Variants in THSD7B observed in about 807,000 individuals in gnomAD.
The protein encoded by THSD7B is thrombospondin type 1 domain containing 7B.
THSD7B carries 138 observed loss-of-function variants against 213.6 expected under a neutral mutation model. That is an observed-to-expected ratio of 0.65 (90% confidence interval 0.56 to 0.74). The LOEUF (loss-of-function observed/expected upper bound fraction) is 0.74, where lower values mean the gene tolerates loss of function less well. Ranked by LOEUF, THSD7B falls within the 30% of genes least tolerant of loss-of-function variation. The pLI is 0.00. For missense variants in THSD7B, 1,931 were observed against 1,991.5 expected, an observed-to-expected ratio of 0.97 and a Z score of 0.58; for synonymous variants, 742 against 687.0, an observed-to-expected ratio of 1.08 and a Z score of -1.25.
At chr2:137,212,252 T>C (rs1681127998) in intron 7 of THSD7B, among the ~76,000 whole-genome samples, 1 of 152,110 alleles carries the variant, frequency 6.6e-6, no homozygotes, top group South Asian at 2.1e-4. Context: ...CATAGTTTCA[T>C]AGGTGGTTTC....
chr2:136,804,823 CAG>C (rs1199691278), intron 1 of THSD7B, among the ~76,000 whole-genome samples: 1 of 152,102 alleles, frequency 6.6e-6, no homozygotes, highest in Non-Finnish European at 1.5e-5. Context: ...ATGCTGCTGC[CAG>C]AGAGTGATAA....
At chr2:137,223,895 C>G (rs1055277611) in intron 7 of THSD7B, among the ~76,000 whole-genome samples, 2 of 151,986 alleles carry the variant, frequency 1.3e-5, no homozygotes, top group African/African-American at 4.8e-5. Context: ...TGTGCAGTAT[C>G]CTCCCACCCC....
At chr2:137,548,611 C>T (rs1304241525) in intron 15 of THSD7B, among the ~76,000 whole-genome samples, 2 of 151,974 alleles carry the variant, frequency 1.3e-5, no homozygotes, top group African/African-American at 4.8e-5. Flanking sequence ...TTTTCATACC[C>T]CAGCTAGCTG....
chr2:137,660,995 G>A (rs1002036795), intron 25 of THSD7B, among the ~76,000 whole-genome samples: 1 of 152,116 alleles, frequency 6.6e-6, no homozygotes, highest in Admixed American at 6.5e-5. Flanking sequence ...AATAATTGAT[G>A]ACCTAAATAA....
At chr2:137,238,002 TTC>T (rs1395184090) in intron 9 of THSD7B, among the ~76,000 whole-genome samples, 1 of 152,180 alleles carries the variant, frequency 6.6e-6, no homozygotes, top group Non-Finnish European at 1.5e-5. Flanking sequence ...ATGATACTCT[TTC>T]TCTCTTTCAG....
intron 3 of THSD7B, among the ~76,000 whole-genome samples, chr2:137,083,431 G>A (rs1334932798): frequency 6.6e-6 from 1 of 152,040 alleles, no homozygotes; most frequent in Non-Finnish European, 1.5e-5. Flanking sequence ...AAATACCTTT[G>A]TTAAATTTCA....
At chr2:137,243,172 T>G (rs1435173724) in intron 10 of THSD7B, among the ~76,000 whole-genome samples, 1 of 152,188 alleles carries the variant, frequency 6.6e-6, no homozygotes, top group Non-Finnish European at 1.5e-5. Flanking sequence ...GAGTATATGC[T>G]AAAGTGATCC....
chr2:137,421,498 A>C (rs990507352), intron 14 of THSD7B, among the ~76,000 whole-genome samples: 1 of 152,188 alleles, frequency 6.6e-6, no homozygotes, highest in Non-Finnish European at 1.5e-5. Flanking sequence ...ATTCTAAAGG[A>C]TACAGATGAA....
At chr2:137,067,565 AAG>A (rs139785445) in intron 3 of THSD7B, among the ~76,000 whole-genome samples, 14,208 of 152,014 alleles carry the variant, frequency 0.093, 871 homozygotes, top group African/African-American at 0.18. Context: ...GAGTTGGGGA[AAG>A]AGTCTTTTGT....
In THSD7B at chr2:136,986,198, G is replaced by A. The variant is rs1432615158; in HGVS notation, c.140-70222G>A. Among the ~76,000 whole-genome samples the A allele has an allele frequency of 2.6e-5, 4 of 152,108 alleles. No homozygotes were observed. In the East Asian group the frequency reaches 7.7e-4, roughly 29 times the overall value. On this transcript the variant is annotated intron_variant, in intron 2 of 27. Transcript: ENST00000409968. Reference sequence around the variant, plus strand: ...ACTGGAATAAATTAAGATTAGGGGGGGACTATTACTAAGGCATGATTGTAT... The same window carrying A: ...ACTGGAATAAATTAAGATTAGGGGGAGACTATTACTAAGGCATGATTGTAT...
intron 2 of THSD7B, among the ~76,000 whole-genome samples, chr2:137,014,410 C>T (rs1416980342): frequency 3.9e-4 from 59 of 152,146 alleles, no homozygotes; most frequent in Non-Finnish European, 8.8e-5. Context: ...CTAGGTGCTG[C>T]GGAGAGTGGT....
chr2:136,995,909 AT>A (rs1210712535), intron 2 of THSD7B, among the ~76,000 whole-genome samples: 2 of 152,206 alleles, frequency 1.3e-5, no homozygotes, highest in Non-Finnish European at 2.9e-5. Flanking sequence ...ACATGTCATT[AT>A]TGAAGTCAGA....
At chr2:137,140,874 A>G (rs1679572528) in intron 5 of THSD7B, among the ~76,000 whole-genome samples, 1 of 152,186 alleles carries the variant, frequency 6.6e-6, no homozygotes, top group African/African-American at 2.4e-5. Context: ...AGGCTTAGAG[A>G]GTAAATAATA....
chr2:137,366,143 A>G (rs1453368492), intron 12 of THSD7B, among the ~76,000 whole-genome samples: 1 of 152,206 alleles, frequency 6.6e-6, no homozygotes, highest in East Asian at 1.9e-4. Context: ...TCGCAAGGAC[A>G]GAAACCCAAA....
chr2:137,402,335 T>G (rs1466090536), intron 12 of THSD7B, among the ~76,000 whole-genome samples: 1 of 152,212 alleles, frequency 6.6e-6, no homozygotes, highest in East Asian at 1.9e-4. Context: ...TAATTTCTTA[T>G]GCTTTCCTTT....
chr2:136,803,074 T>C (rs1462044465), intron 1 of THSD7B, among the ~76,000 whole-genome samples: 1 of 152,104 alleles, frequency 6.6e-6, no homozygotes, highest in East Asian at 1.9e-4. Flanking sequence ...CCTAGTAACA[T>C]CCTTGATATT....
chr2:137,068,123 A>G (rs568737016), intron 3 of THSD7B, among the ~76,000 whole-genome samples: 4 of 152,108 alleles, frequency 2.6e-5, no homozygotes, highest in Admixed American at 2.6e-4. Flanking sequence ...CATTTTCTCT[A>G]TGACTTCGAT....
At chr2:137,321,924 A>G (rs1280635004) in intron 12 of THSD7B, among the ~76,000 whole-genome samples, 1 of 152,104 alleles carries the variant, frequency 6.6e-6, no homozygotes, top group Non-Finnish European at 1.5e-5. Flanking sequence ...AGTGAGATGC[A>G]TTGGCTTTAT....
intron 12 of THSD7B, among the ~76,000 whole-genome samples, chr2:137,286,625 A>G (rs925006496): frequency 2.0e-5 from 3 of 151,596 alleles, no homozygotes; most frequent in East Asian, 2.1e-4. Flanking sequence ...AGCAAAGCAC[A>G]TATATAGGTT....
Sources: allele counts gnomAD v4.1 joint callset (sites outside exome capture counted in the v4.1 genomes callset), GRCh38; gene constraint gnomAD v4.1.1; transcripts MANE v1.5; gene names NCBI Gene and HGNC (gene_info 2026-07-23, HGNC 2026-07-21).